The following NRG3 variants were observed in gnomAD, a reference collection of about 807,000 sequenced individuals.
The protein encoded by NRG3 is pro-neuregulin-3, membrane-bound isoform.
NRG3 carries 31 observed loss-of-function variants against 66.9 expected under a neutral mutation model. The ratio of observed to expected loss-of-function variants is 0.46; its 90% confidence interval spans 0.35 to 0.63. The LOEUF is 0.63. Among genes scored for constraint, NRG3 ranks in the 20% least tolerant of loss-of-function variants. The probability of loss-of-function intolerance (pLI) is 0.00; values close to 1 mark genes in which losing one functional copy is unlikely to be tolerated. For missense variants in NRG3, 910 were observed against 878.9 expected (o/e 1.04, Z -0.45); for synonymous variants, 393 against 359.4 (o/e 1.09, Z -1.06).
intron 3 of NRG3, among the ~76,000 whole-genome samples, chr10:82,842,855 G>C (rs991410076): frequency 6.6e-6 from 1 of 152,022 alleles, no homozygotes; most frequent in African/African-American, 2.4e-5. Flanking sequence ...GGCGTAGCTG[G>C]GACTACAGGC....
chr10:82,843,588 A>G (rs111252776), intron 3 of NRG3, among the ~76,000 whole-genome samples: 2,334 of 152,334 alleles, frequency 0.015, 55 homozygotes, highest in African/African-American at 0.052. Context: ...GCTTAAGCAT[A>G]TTAGTTATTA....
chr10:82,367,597 G>C (rs1408501338), intron 2 of NRG3, among the ~76,000 whole-genome samples: 1 of 151,906 alleles, frequency 6.6e-6, no homozygotes, highest in Non-Finnish European at 1.5e-5. Context: ...TTTCCTTGCA[G>C]ACTCTTTAAA....
intron 2 of NRG3, among the ~76,000 whole-genome samples, chr10:82,551,193 A>G (rs1324934705): frequency 6.6e-6 from 1 of 152,194 alleles, no homozygotes; most frequent in Non-Finnish European, 1.5e-5. Context: ...AGTAGCATGC[A>G]GAGATAAATG....
intron 1 of NRG3, among the ~76,000 whole-genome samples, chr10:81,952,422 GAA>G (rs748750672): frequency 8.6e-5 from 13 of 151,912 alleles, no homozygotes; most frequent in Admixed American, 2.6e-4. Context: ...AGGGGAGAGA[GAA>G]AGAAGGCGGC....
intron 1 of NRG3, among the ~76,000 whole-genome samples, chr10:82,011,863 T>C (rs1041756921): frequency 2.0e-5 from 3 of 152,146 alleles, no homozygotes; most frequent in African/African-American, 7.2e-5. Flanking sequence ...TTTATCCACC[T>C]TTCCAGCTGC....
At chr10:82,412,885 A>C (rs1452076499) in intron 2 of NRG3, among the ~76,000 whole-genome samples, 2 of 152,110 alleles carry the variant, frequency 1.3e-5, no homozygotes, top group Non-Finnish European at 2.9e-5. Flanking sequence ...ACAATGCATT[A>C]TTTGTTCAAC....
chr10:82,778,445 G>A (rs530879756), intron 3 of NRG3, among the ~76,000 whole-genome samples: 1 of 152,168 alleles, frequency 6.6e-6, no homozygotes, highest in African/African-American at 2.4e-5. Flanking sequence ...CTTCTTCACA[G>A]GGTGGCAGGA....
intron 1 of NRG3, among the ~76,000 whole-genome samples, chr10:82,153,983 G>C (rs1564615623): frequency 6.6e-6 from 1 of 151,554 alleles, no homozygotes; most frequent in Non-Finnish European, 1.5e-5. Context: ...TCAGATGTAT[G>C]GTTTGCCTAT....
intron 3 of NRG3, among the ~76,000 whole-genome samples, chr10:82,785,328 C>T (rs943008919): frequency 7.3e-5 from 11 of 150,714 alleles, no homozygotes; most frequent in African/African-American, 2.2e-4. Flanking sequence ...ACATTGTGCA[C>T]GTGTACCCTA....
intron 2 of NRG3, among the ~76,000 whole-genome samples, chr10:82,457,680 T>G (rs2091332873): frequency 6.6e-6 from 1 of 152,170 alleles, no homozygotes; most frequent in Non-Finnish European, 1.5e-5. Context: ...TTCTCCAATG[T>G]GTTCATTTGA....
chr10:82,192,949 TG>T, intron 1 of NRG3, among the ~76,000 whole-genome samples: 1 of 147,028 alleles, frequency 6.8e-6, no homozygotes, highest in East Asian at 2.0e-4. Flanking sequence ...GTTGTTCAAG[TG>T]GGGGTGGAAG....
At chr10:82,056,977 C>A (rs1316194873) in intron 1 of NRG3, among the ~76,000 whole-genome samples, 1 of 152,016 alleles carries the variant, frequency 6.6e-6, no homozygotes, top group Non-Finnish European at 1.5e-5. Context: ...TGATTCTGAT[C>A]ATTGTTATCT....
chr10:81,970,874 T>C (rs570680860), intron 1 of NRG3, among the ~76,000 whole-genome samples: 3 of 152,324 alleles, frequency 2.0e-5, no homozygotes, highest in South Asian at 2.1e-4. Context: ...GCGTGGTGAC[T>C]CATGCCTGTA....
intron 3 of NRG3, among the ~76,000 whole-genome samples, chr10:82,769,864 C>A (rs1363093097): frequency 6.6e-6 from 1 of 152,008 alleles, no homozygotes; most frequent in Admixed American, 6.6e-5. Context: ...GTGTTTAAGA[C>A]CTGCAAGATT....
chr10:82,807,693 CCCTTGATGAAT>C (rs1315967814), intron 3 of NRG3, among the ~76,000 whole-genome samples: 1 of 152,126 alleles, frequency 6.6e-6, no homozygotes, highest in Non-Finnish European at 1.5e-5. Context: ...ATAATAAGCT[CCCTTGATGAAT>C]CCTATGCACA....
At chr10:82,926,042 C>A (rs191421627) in intron 4 of NRG3, among the ~76,000 whole-genome samples, 8 of 152,170 alleles carry the variant, frequency 5.3e-5, no homozygotes, top group African/African-American at 1.4e-4. Context: ...AGTATTGGCT[C>A]CAAAGTACAG....
At chr10:82,032,626 G>T (rs2062623330) in intron 1 of NRG3, among the ~76,000 whole-genome samples, 1 of 151,830 alleles carries the variant, frequency 6.6e-6, no homozygotes, top group Non-Finnish European at 1.5e-5. Context: ...ATTTGACACT[G>T]GAAATTCTTT....
At chr10:82,195,132 A>G (rs1277317659) in intron 1 of NRG3, among the ~76,000 whole-genome samples, 1 of 152,112 alleles carries the variant, frequency 6.6e-6, no homozygotes, top group Non-Finnish European at 1.5e-5. Context: ...GGCTTTATCC[A>G]TCTGGTAGAA....
intron 1 of NRG3, among the ~76,000 whole-genome samples, chr10:82,051,053 A>G (rs552811385): frequency 2.6e-5 from 4 of 152,242 alleles, no homozygotes; most frequent in Admixed American, 2.6e-4. Context: ...TAAAATGGGC[A>G]AAGCAATATA....
Sources: gnomAD v4.1 joint callset for allele counts (sites outside exome capture counted in the v4.1 genomes callset) on GRCh38, gnomAD v4.1.1 for gene constraint, MANE v1.5 for transcripts, NCBI Gene and HGNC (gene_info 2026-07-23, HGNC 2026-07-21) for gene names.